Variants in NAA50 observed in about 807,000 individuals in gnomAD.
The protein encoded by NAA50 is N-alpha-acetyltransferase 50.
A neutral mutation model predicts 20.7 loss-of-function variants in NAA50; 7 were observed. That is an observed-to-expected ratio of 0.34 (90% CI 0.19 to 0.63). NAA50 has a LOEUF of 0.63. Ranked by LOEUF, NAA50 falls within the 30% of genes least tolerant of loss-of-function variation. The pLI is 0.75. For synonymous variants in NAA50, 54 were observed against 70.6 expected, an observed-to-expected ratio of 0.77 and a Z score of 1.18; for missense variants, 111 against 199.1, an observed-to-expected ratio of 0.56 and a Z score of 2.66.
intron 1 of NAA50, among the ~76,000 whole-genome samples, chr3:113,730,320 T>A (rs74467229): frequency 1.3e-5 from 2 of 152,122 alleles, no homozygotes; most frequent in African/African-American, 2.4e-5. Flanking sequence ...AATGTAATTA[T>A]TGAATTACTG....
intron 1 of NAA50, among the ~76,000 whole-genome samples, chr3:113,742,692 T>C (rs1708434750): frequency 6.6e-6 from 1 of 152,222 alleles, no homozygotes; most frequent in South Asian, 2.1e-4. Context: ...ATTTTAATTT[T>C]ATTTGGTAAA....
At position 113,740,654 on chromosome 3, in the gene NAA50, G is replaced by C. The variant is rs1170650432; in HGVS notation, c.8+5288C>G. ...GCTTCCCAAAGTGTCGGGATTACGA[G>C]TGTGAGCCACAGTACCCAGCTGAGA... is the stretch of plus-strand genomic sequence containing the variant. On this transcript the variant is annotated intron_variant, in intron 1 of 4. Transcript: ENST00000240922. Among the ~76,000 whole-genome samples, 6 of 152,246 alleles carry C rather than the reference G, an allele frequency of 3.9e-5. No homozygotes were observed. The East Asian group carries it at 5.8e-4, about 15-fold the overall frequency.
chr3:113,743,388 A>G (rs1708443956), intron 1 of NAA50, among the ~76,000 whole-genome samples: 1 of 152,244 alleles, frequency 6.6e-6, no homozygotes, highest in South Asian at 2.1e-4. Context: ...AAAGCCACAT[A>G]ACCAGGACCA....
intron 1 of NAA50, among the ~76,000 whole-genome samples, chr3:113,733,884 A>AAAATATTCATATTAAAT (rs1577070994): frequency 6.6e-6 from 1 of 151,362 alleles, no homozygotes; most frequent in East Asian, 1.9e-4. Flanking sequence ...AAAGACAGAA[A>AAAATATTCATATTAAAT]AAATATTCAT....
chr3:113,733,076 G>T (rs1351163960), intron 1 of NAA50, among the ~76,000 whole-genome samples: 1 of 150,494 alleles, frequency 6.6e-6, no homozygotes, highest in Non-Finnish European at 1.5e-5. Context: ...TTAGCCCTGA[G>T]AATAAACCTA....
intron 1 of NAA50, among the ~76,000 whole-genome samples, chr3:113,726,890 G>A (rs1345047686): frequency 1.3e-5 from 2 of 152,154 alleles, no homozygotes; most frequent in African/African-American, 4.8e-5. Flanking sequence ...CGCTTCTCAG[G>A]CTCAAGTGAT....
chr3:113,727,430 A>C (rs1438277642), intron 1 of NAA50, among the ~76,000 whole-genome samples: 1 of 152,196 alleles, frequency 6.6e-6, no homozygotes, highest in Non-Finnish European at 1.5e-5. Context: ...TTTTCAAAGA[A>C]TAATACCAGG....
intron 1 of NAA50, among the ~76,000 whole-genome samples, chr3:113,727,408 G>C (rs1708213063): frequency 6.6e-6 from 1 of 152,100 alleles, no homozygotes; most frequent in Non-Finnish European, 1.5e-5. Context: ...TAGGCTTCAA[G>C]CATACTTACA....
chr3:113,735,976 G>A (rs577947377), intron 1 of NAA50, among the ~76,000 whole-genome samples: 22 of 152,194 alleles, frequency 1.4e-4, no homozygotes, highest in Non-Finnish European at 1.2e-4. Context: ...GCAAGCCACC[G>A]TGCCTGGCCT....
intron 1 of NAA50, among the ~76,000 whole-genome samples, chr3:113,724,355 G>C (rs1245464985): frequency 6.6e-6 from 1 of 152,126 alleles, no homozygotes; most frequent in Non-Finnish European, 1.5e-5. Context: ...ATAACATTCT[G>C]CAAGTGTCAA....
intron 1 of NAA50, among the ~76,000 whole-genome samples, chr3:113,737,052 G>C (rs1198746169): frequency 6.6e-6 from 1 of 152,042 alleles, no homozygotes; most frequent in East Asian, 1.9e-4. Context: ...TAGTTATACA[G>C]ACAGTTATGG....
At chr3:113,737,247 C>T (rs1708356019) in intron 1 of NAA50, among the ~76,000 whole-genome samples, 1 of 152,168 alleles carries the variant, frequency 6.6e-6, no homozygotes, top group African/African-American at 2.4e-5. Context: ...AAACTCAAAG[C>T]ATCTTTTAGT....
chr3:113,734,025 C>T (rs1434713138), intron 1 of NAA50, among the ~76,000 whole-genome samples: 1 of 152,002 alleles, frequency 6.6e-6, no homozygotes, highest in African/African-American at 2.4e-5. Flanking sequence ...GGGAATCGAT[C>T]CTACTTACTG....
At chr3:113,742,040 T>C (rs975362613) in intron 1 of NAA50, among the ~76,000 whole-genome samples, 6 of 152,198 alleles carry the variant, frequency 3.9e-5, no homozygotes, top group Non-Finnish European at 5.9e-5. Context: ...AAAAAACTTA[T>C]GGTGTAAGGT....
intron 3 of NAA50, 78 bp from the exon 4 acceptor site, chr3:113,723,050 AACT>A (rs1239464097): frequency 2.0e-5 from 29 of 1,431,286 alleles, no homozygotes; most frequent in Non-Finnish European, 2.5e-5. Flanking sequence ...TTGCCATCTG[AACT>A]ACTTATTGAG....
intron 3 of NAA50, 95 bp downstream of exon 3, chr3:113,723,327 C>T: frequency 4.8e-6 from 6 of 1,250,220 alleles, no homozygotes; most frequent in Non-Finnish European, 6.6e-6. Flanking sequence ...CTCAGTATTC[C>T]TTAAAAAGAC....
At chr3:113,740,255 C>T (rs557887252) in intron 1 of NAA50, among the ~76,000 whole-genome samples, 7 of 152,268 alleles carry the variant, frequency 4.6e-5, no homozygotes, top group African/African-American at 1.7e-4. Flanking sequence ...TGGCCCAATT[C>T]AACTACTCAT....
chr3:113,745,862 C>A, intron 1 of NAA50, 80 bp downstream of exon 1: 10 of 1,499,792 alleles, frequency 6.7e-6, no homozygotes, highest in Non-Finnish European at 9.0e-6. Context: ...TCTCTCCTCG[C>A]CTTTGCGGCT....
chr3:113,722,928 C>T lies in NAA50; in HGVS notation c.310G>A (p.Gly104Ser). 1 of 1,537,762 alleles carries T rather than the reference C, an allele frequency of 6.5e-7. No individual in the cohort carries two copies. The highest frequency in any genetic ancestry group is 8.8e-7 in the Non-Finnish European group (1 of 1,132,260). ...TACAGATAAATGTTGTCAAAAGTAC[C>T]ATCTTTTTCACAGATGTTTAAGACA... ...NHVLNICEKD[G>S]TFDNIYLHVQ... The change falls in exon 4 of 5, where the codon GGT (glycine) becomes AGT (serine). Residue 104 changes from glycine (G) to serine (S), a missense_variant. Physicochemically the swap from Gly to Ser is moderately conservative, Grantham distance 56. Coordinates refer to ENST00000240922, the MANE Select transcript of NAA50 (RefSeq NM_025146.4).
Sources: allele counts gnomAD v4.1 joint callset (sites outside exome capture counted in the v4.1 genomes callset), GRCh38; gene constraint gnomAD v4.1.1; transcripts MANE v1.5; gene names NCBI Gene and HGNC (gene_info 2026-07-23, HGNC 2026-07-21).